The following ST14 variants were observed in gnomAD, a reference collection of about 807,000 sequenced individuals.
The protein encoded by ST14 is suppressor of tumorigenicity 14 protein.
In ST14, 40 loss-of-function variants were observed where a neutral mutation model predicts 96.5. That is an observed-to-expected ratio of 0.41 (90% CI 0.32 to 0.54). ST14 has a LOEUF of 0.54. ST14 is among the 20% of genes least tolerant of loss of function. The pLI is 0.17. For missense variants in ST14, 1,066 were observed against 1,188.9 expected, an observed-to-expected ratio of 0.90 and a Z score of 1.52; for synonymous variants, 506 against 492.1, an observed-to-expected ratio of 1.03 and a Z score of -0.37.
rs1441130492 is a variant in ST14 at position 130,197,877 on chromosome 11, G to A, written c.1391G>A (p.Cys464Tyr). Residue 464 changes from cysteine to tyrosine, a missense_variant, in exon 12 of 19, where the codon TGT becomes TAT. Physicochemically the swap from Cys to Tyr is radical, Grantham distance 194 (BLOSUM62 -2). Coordinates refer to ENST00000278742, the MANE Select transcript of ST14 (RefSeq NM_021978.4). ...PGQFTCRTGR[C>Y]IRKELRCDGW... ...CAGTTCACGTGCCGCACGGGGCGGT[G>A]TATCCGGAAGGAGCTGCGCTGTGAT... 6.3e-7 allele frequency: 1 copy of A among 1,594,516 alleles called. No individual in the cohort carries two copies. Among genetic ancestry groups the A allele is most frequent in the Admixed American group, 1.7e-5 (1 of 58,644 alleles).
intron 1 of ST14, among the ~76,000 whole-genome samples, chr11:130,182,839 T>A (rs1188467629): frequency 2.6e-5 from 4 of 151,564 alleles, no homozygotes; most frequent in African/African-American, 9.7e-5. Context: ...TTTGTAGAGA[T>A]GGAGTTTCCC....
chr11:130,197,588 G>C (rs971753197), intron 11 of ST14, among the ~76,000 whole-genome samples: 7 of 152,228 alleles, frequency 4.6e-5, no homozygotes, highest in African/African-American at 1.2e-4. Context: ...CCTGGGCTTC[G>C]ATCCTCAGTG....
Position 130,209,424 on chromosome 11 carries a change from G to C in ST14, c.2270-18G>C. ...TCGAAGCAGCCCGGCTCTCAGCCCCGTCCTGCCCTCTCCCCAGGCACTGGC... is the reference window on the plus strand; with the variant it reads ...TCGAAGCAGCCCGGCTCTCAGCCCCCTCCTGCCCTCTCCCCAGGCACTGGC... On this transcript the variant is annotated intron_variant, in intron 17 of 18. Coordinates refer to ENST00000278742, the MANE Select transcript of ST14 (RefSeq NM_021978.4). 2 of 1,571,948 alleles carry C rather than the reference G, an allele frequency of 1.3e-6. No homozygotes were observed. Among genetic ancestry groups the C allele is most frequent in the African/African-American group, 1.3e-5 (1 of 74,354 alleles).
chr11:130,177,569 C>A (rs7114765), intron 1 of ST14, among the ~76,000 whole-genome samples: 37,553 of 151,874 alleles, frequency 0.25, 8,700 homozygotes, highest in African/African-American at 0.62. Context: ...GTCTCAAAAA[C>A]AAAAAATTTT....
At chr11:130,198,209 T>C in intron 12 of ST14, 99 bp from the exon 13 acceptor site, 2 of 1,204,990 alleles carry the variant, frequency 1.7e-6, no homozygotes, top group Non-Finnish European at 2.5e-6. Flanking sequence ...TCTCTGTAGA[T>C]CAGAAAGCGG....
chr11:130,167,980 G>T (rs895936177), intron 1 of ST14, among the ~76,000 whole-genome samples: 1 of 152,230 alleles, frequency 6.6e-6, no homozygotes, highest in Non-Finnish European at 1.5e-5. Flanking sequence ...CTCCCAAAGT[G>T]CTGGGATTGC....
At position 130,159,904 on chromosome 11, in the gene ST14, C is replaced by T; in HGVS notation, c.-76C>T. 1.0e-6 allele frequency: 1 copy of T among 956,196 alleles called. No homozygotes were observed. 59.2% of individuals were successfully genotyped at this position (956,196 alleles called of 1,614,324 possible). ...AATCCCGCCGCCTGCGCCCCGCGCC[C>T]CGCGCCCTGCGGGCCATGGGAGCCG... On this transcript the variant is annotated 5_prime_UTR_variant, in exon 1 of 19. Coordinates refer to ENST00000278742, the MANE Select transcript of ST14 (RefSeq NM_021978.4).
At chr11:130,162,139 T>G (rs1344354625) in intron 1 of ST14, among the ~76,000 whole-genome samples, 2 of 152,286 alleles carry the variant, frequency 1.3e-5, no homozygotes, top group East Asian at 3.9e-4. Flanking sequence ...TGTCCCCAGT[T>G]GCATCCATCC....
intron 16 of ST14, among the ~76,000 whole-genome samples, chr11:130,205,061 T>C (rs1380274509): frequency 6.6e-6 from 1 of 152,186 alleles, no homozygotes; most frequent in African/African-American, 2.4e-5. Context: ...TCCAATGTTT[T>C]ATTTTGAAAT....
At chr11:130,190,379 C>T (rs571982427) in intron 6 of ST14, 75 bp from the exon 7 acceptor site, 133 of 1,593,314 alleles carry the variant, frequency 8.3e-5, no homozygotes, top group South Asian at 2.1e-4. Flanking sequence ...TCCACACCCA[C>T]GGGGTCTCAG....
chr11:130,161,343 G>C (rs1952996853), intron 1 of ST14, among the ~76,000 whole-genome samples: 1 of 152,178 alleles, frequency 6.6e-6, no homozygotes, highest in Non-Finnish European at 1.5e-5. Flanking sequence ...TTGTGTCCTT[G>C]CTAATTGCCT....
intron 1 of ST14, among the ~76,000 whole-genome samples, chr11:130,178,834 G>C (rs1228764338): frequency 6.6e-6 from 1 of 152,218 alleles, no homozygotes; most frequent in Non-Finnish European, 1.5e-5. Context: ...TGGGCGGGCC[G>C]GGGTTTTGGG....
chr11:130,200,378 G>C (rs1353215389), intron 16 of ST14, among the ~76,000 whole-genome samples: 1 of 152,208 alleles, frequency 6.6e-6, no homozygotes, highest in Non-Finnish European at 1.5e-5. Flanking sequence ...TCTGGTGAGG[G>C]CCTCAGGGAG....
At chr11:130,176,965 A>AT (rs1399516405) in intron 1 of ST14, among the ~76,000 whole-genome samples, 1 of 150,542 alleles carries the variant, frequency 6.6e-6, no homozygotes, top group African/African-American at 2.4e-5. Flanking sequence ...CACCTGGCTA[A>AT]TTTTTTGTAT....
intron 7 of ST14, among the ~76,000 whole-genome samples, chr11:130,191,549 G>A (rs1352505624): frequency 6.6e-6 from 1 of 152,112 alleles, no homozygotes; most frequent in Admixed American, 6.5e-5. Flanking sequence ...AATCAGCTGG[G>A]TGTGGTGGCG....
chr11:130,196,662 G>C lies in ST14; in HGVS notation c.1316G>C (p.Gly439Ala), dbSNP rs1197969914. ...FHSDQSYTDT[G>A]FLAEYLSYDS... is the part of the protein sequence containing the mutation. Reference sequence around the variant, plus strand: ...TCAGATCAGTCCTACACCGACACCGGCTTCTTAGCTGAATACCTCTCCTAC... The same window carrying C: ...TCAGATCAGTCCTACACCGACACCGCCTTCTTAGCTGAATACCTCTCCTAC... Residue 439 changes from glycine to alanine, a missense_variant, in exon 11 of 19, where the codon GGC becomes GCC. By Grantham distance (60) the Gly-to-Ala change is moderately conservative. Transcript: ENST00000278742. 1.2e-6 allele frequency: 2 copies of C among 1,614,058 alleles called. No homozygotes were observed. Among genetic ancestry groups the C allele is most frequent in the African/African-American group, 1.3e-5 (1 of 74,924 alleles).
intron 16 of ST14, among the ~76,000 whole-genome samples, chr11:130,200,937 T>G (rs1256396411): frequency 1.3e-5 from 2 of 152,264 alleles, no homozygotes; most frequent in African/African-American, 4.8e-5. Context: ...GGATTCATGC[T>G]CCAGCTCTGG....
In ST14 at chr11:130,194,851, CAT is replaced by C. The variant is rs769158123; in HGVS notation, c.1113+115_1113+116del. 7.7e-3 allele frequency: 6,688 copies of C among 871,132 alleles called. 64 individuals are homozygous for C. Among genetic ancestry groups the C allele is most frequent in the East Asian group, 0.011 (362 of 31,920 alleles). The allele number at this position is 871,132 out of a possible 1,614,324, so 54.0% of individuals were successfully genotyped here. A position where few individuals can be genotyped will look rare whatever the true frequency, so the allele number is the denominator to read the frequency against. On this transcript the variant is annotated intron_variant, in intron 9 of 18. Transcript: ENST00000278742. ...GTGTGCATGTGTTTGCATATGTGTGCATGTGTGTGTGTGTGTGTGTGTGTGCG... is the reference window on the plus strand; with the variant it reads ...GTGTGCATGTGTTTGCATATGTGTGCGTGTGTGTGTGTGTGTGTGTGTGCG...
intron 4 of ST14, 193 bp from the exon 5 acceptor site, chr11:130,189,546 A>C: frequency 3.0e-6 from 2 of 675,646 alleles, no homozygotes; most frequent in Non-Finnish European, 5.0e-6. Context: ...AGACTGTGAG[A>C]GCAGAGGGCA....
Sources: allele counts gnomAD v4.1 joint callset (sites outside exome capture counted in the v4.1 genomes callset), GRCh38; gene constraint gnomAD v4.1.1; transcripts MANE v1.5; gene names NCBI Gene and HGNC (gene_info 2026-07-23, HGNC 2026-07-21).